Variants in PDGFRB observed in about 807,000 individuals in gnomAD.
The protein encoded by PDGFRB is platelet-derived growth factor receptor beta.
PDGFRB carries 42 observed loss-of-function variants against 120.2 expected under a neutral mutation model. That is an observed-to-expected ratio of 0.35 (90% CI 0.27 to 0.45). The LOEUF is 0.45. Ranked by LOEUF, PDGFRB falls within the 20% of genes least tolerant of loss-of-function variation. The probability of loss-of-function intolerance (pLI) is 1.00; values close to 1 mark genes in which losing one functional copy is unlikely to be tolerated. For synonymous variants in PDGFRB, 586 were observed against 606.8 expected (o/e 0.97, Z 0.50); for missense variants, 1,149 against 1,476.3 (o/e 0.78, Z 3.63).
At position 150,124,970 on chromosome 5, in the gene PDGFRB, G is replaced by T. The variant is rs781677618; in HGVS notation, c.1808-139C>A. On this transcript the variant is annotated intron_variant, in intron 12 of 22. Coordinates refer to ENST00000261799, the MANE Select transcript of PDGFRB (RefSeq NM_002609.4). The stretch of plus-strand genomic sequence containing the variant: ...GTGAGGGGAAAGAGCCACTCTCTTA[G>T]GTCAACCTAGACATTACTTAAACCA... 1.3e-3 allele frequency: 746 copies of T among 573,274 alleles called. 4 individuals are homozygous for T. Among genetic ancestry groups the T allele is most frequent in the Middle Eastern group, 4.6e-3 (10 of 2,154 alleles). The allele number at this position is 573,274 out of a possible 1,614,324, so 35.5% of individuals were successfully genotyped here.
chr5:150,124,893 G>GCCCCCCCCCCCCCCCCCCCCCAC, intron 12 of PDGFRB, 62 bp from the exon 13 acceptor site: 2 of 752,558 alleles, frequency 2.7e-6, no homozygotes, highest in South Asian at 1.7e-5. Context: ...TCCCCCAGCT[G>GCCCCCCCCCCCCCCCCCCCCCAC]CCCCCCTCCC....
intron 14 of PDGFRB, 39 bp from the exon 15 acceptor site, chr5:150,123,240 C>T (rs773562180): frequency 6.4e-7 from 1 of 1,550,626 alleles, no homozygotes; most frequent in East Asian, 2.2e-5. Context: ...CCTATGGAGG[C>T]CTCAGGCGTC....
intron 1 of PDGFRB, among the ~76,000 whole-genome samples, chr5:150,150,350 A>G (rs6885033): frequency 0.054 from 8,192 of 152,010 alleles, 259 homozygotes; most frequent in Admixed American, 0.073. Context: ...GGATCAGGTG[A>G]CCCCCAAAAG....
intron 1 of PDGFRB, among the ~76,000 whole-genome samples, chr5:150,145,834 G>A (rs112390275): frequency 1.3e-5 from 2 of 152,106 alleles, no homozygotes; most frequent in African/African-American, 2.4e-5. Context: ...CCGAGATCGC[G>A]CCACTGCACT....
At chr5:150,150,545 C>T (rs947977922) in intron 1 of PDGFRB, among the ~76,000 whole-genome samples, 3 of 124,496 alleles carry the variant, frequency 2.4e-5, no homozygotes, top group African/African-American at 8.8e-5. Context: ...TAAAGCAGTA[C>T]ACTTTGATTT....
rs780310940 is a variant in PDGFRB at position 150,130,698 on chromosome 5, G to C, written c.1244-36C>G. On this transcript the variant is annotated intron_variant, in intron 8 of 22. Transcript: ENST00000261799. ...AGAGCACTGAGTTAGGAGGCGGGAG[G>C]GTCAGGACAGTTAACAGGACAGGTC... The C allele has an allele frequency of 2.5e-6, 4 of 1,606,834 alleles. No homozygotes were observed. The Admixed American group carries it at 6.8e-5, about 27-fold the overall frequency.
intron 1 of PDGFRB, among the ~76,000 whole-genome samples, chr5:150,146,295 T>TC (rs940918180): frequency 2.0e-5 from 3 of 152,114 alleles, no homozygotes; most frequent in Admixed American, 6.6e-5. Flanking sequence ...ATTGTTCTGA[T>TC]CCCCCCCAAT....
chr5:150,132,126 G>A lies in PDGFRB; in HGVS notation c.1128-32C>T, dbSNP rs377563576. On this transcript the variant is annotated intron_variant, in intron 7 of 22. Coordinates refer to ENST00000261799, the MANE Select transcript of PDGFRB (RefSeq NM_002609.4). This position sits in a 1 kb window ranked among gnomAD's most constrained non-coding sequence, Gnocchi z 5.0. Reference sequence around the variant, plus strand: ...AGCAGGAAAGGCAGCTGTCAGAGTCGGAAGGACTCTTACAGTTCTCCCCAC... The same window carrying A: ...AGCAGGAAAGGCAGCTGTCAGAGTCAGAAGGACTCTTACAGTTCTCCCCAC... 117 of 1,165,744 alleles carry A rather than the reference G, an allele frequency of 1.0e-4. No individual in the cohort carries two copies. Among genetic ancestry groups the A allele is most frequent in the East Asian group, 3.5e-4 (15 of 42,684 alleles). The allele number at this position is 1,165,744 out of a possible 1,614,324, so 72.2% of individuals were successfully genotyped here.
At chr5:150,136,945 G>A (rs1760649424) in intron 2 of PDGFRB, 63 bp downstream of exon 2, 1 of 1,281,804 alleles carries the variant, frequency 7.8e-7, no homozygotes, top group South Asian at 1.2e-5. Context: ...CATCACCCCT[G>A]CCAGCTCCAG....
rs1442732462 is a variant in PDGFRB, at chr5:150,129,701, G to A, written c.1579+56C>T. On this transcript the variant is annotated intron_variant, in intron 10 of 22. Coordinates refer to ENST00000261799, the MANE Select transcript of PDGFRB (RefSeq NM_002609.4). The stretch of plus-strand genomic sequence containing the variant: ...GGGTACATGGGCACATTACCAATTA[G>A]GCAGGATTAAGGTAGGGATTGGGAT... 3.5e-6 allele frequency: 5 copies of A among 1,436,768 alleles called. No homozygotes were observed. In the East Asian group the frequency reaches 9.2e-5, roughly 26 times the overall value. The allele number at this position is 1,436,768 out of a possible 1,614,324, so 89.0% of individuals were successfully genotyped here.
At position 150,125,565 on chromosome 5, in the gene PDGFRB, C is replaced by T. The variant is rs1483057981; in HGVS notation, c.1687G>A (p.Glu563Lys). 12 of 1,613,806 alleles carry T rather than the reference C, an allele frequency of 7.4e-6. No homozygotes were observed. Among genetic ancestry groups the T allele is most frequent in the East Asian group, 2.2e-5 (1 of 44,896 alleles). Residue 563 changes from glutamate to lysine, a missense_variant, in exon 12 of 23, where the codon GAG becomes AAG. Around this residue, in one of 3 missense-constraint regions of PDGFRB, gnomAD observed 879 missense variants for 1,108.6 expected, o/e 0.79. Coordinates refer to ENST00000261799, the MANE Select transcript of PDGFRB (RefSeq NM_002609.4). ...GACTCAATCACCTTCCATCGGATCT[C>T]GTAACGTGGCTTCTGGAGGACCAAC... ...IMLWQKKPRY[E>K]IRWKVIESVS...
At chr5:150,150,433 G>C (rs1455903014) in intron 1 of PDGFRB, among the ~76,000 whole-genome samples, 1 of 152,196 alleles carries the variant, frequency 6.6e-6, no homozygotes, top group African/African-American at 2.4e-5. Flanking sequence ...CTCCATCACA[G>C]GGCGGAGAAG....
intron 1 of PDGFRB, among the ~76,000 whole-genome samples, chr5:150,145,698 G>C (rs1463448653): frequency 6.6e-6 from 1 of 152,078 alleles, no homozygotes; most frequent in Non-Finnish European, 1.5e-5. Flanking sequence ...CCGCAAAAAG[G>C]ACAGCCCAGT....
At chr5:150,144,096 C>T (rs1480694387) in intron 1 of PDGFRB, among the ~76,000 whole-genome samples, 1 of 152,008 alleles carries the variant, frequency 6.6e-6, no homozygotes, top group Non-Finnish European at 1.5e-5. Context: ...GGAAGAATAG[C>T]GCTGGTTCCC....
intron 6 of PDGFRB, among the ~76,000 whole-genome samples, chr5:150,133,240 G>A (rs1354707364): frequency 6.6e-6 from 1 of 152,206 alleles, no homozygotes; most frequent in African/African-American, 2.4e-5. Context: ...TTTGGGGATG[G>A]GGCTTCCCGG....
chr5:150,136,864 T>C (rs886333587), intron 2 of PDGFRB, 144 bp downstream of exon 2: 132 of 672,202 alleles, frequency 2.0e-4, no homozygotes, highest in Non-Finnish European at 1.9e-4. Flanking sequence ...CAGAGCCCAC[T>C]GGAAATCCTG....
intron 1 of PDGFRB, among the ~76,000 whole-genome samples, chr5:150,141,432 G>T (rs1760781847): frequency 1.3e-5 from 2 of 152,216 alleles, no homozygotes; most frequent in Non-Finnish European, 2.9e-5. Context: ...TAGATACAGT[G>T]ATCATTTCCA....
Position 150,132,094 on chromosome 5 carries a change from C to T in PDGFRB, c.1128G>A (p.Arg376=), listed in dbSNP as rs1293300387. 3 of 1,548,952 alleles carry T rather than the reference C, an allele frequency of 1.9e-6. No individual in the cohort carries two copies. Among genetic ancestry groups the T allele is most frequent in the Non-Finnish European group, 2.7e-6 (3 of 1,120,864 alleles). The part of the protein sequence containing the change: ...ALSTRNVSET[R]YVSELTLVRV... ...GAACCAGTGTCAGCTCTGACACATA[C>T]CTGGGGAGCAGGAAAGGCAGCTGTC... Residue 376 remains arginine, a splice_region_variant and synonymous_variant, in exon 8 of 23, where the codon CGG becomes CGA. Coordinates refer to ENST00000261799, the MANE Select transcript of PDGFRB (RefSeq NM_002609.4). The surrounding 1 kb of genome is among the most constrained non-coding windows in gnomAD (Gnocchi z 5.0).
intron 19 of PDGFRB, 135 bp from the exon 20 acceptor site, chr5:150,119,701 G>A (rs536526899): frequency 4.6e-6 from 3 of 647,652 alleles, no homozygotes; most frequent in Non-Finnish European, 8.4e-6. Flanking sequence ...ATTTGGAACT[G>A]TGGGCTCCTT....
Sources: allele counts gnomAD v4.1 joint callset (sites outside exome capture counted in the v4.1 genomes callset), GRCh38; gene constraint gnomAD v4.1.1; regional missense constraint gnomAD v4.1.1; non-coding constraint Gnocchi (gnomAD v3.1); transcripts MANE v1.5; gene names NCBI Gene and HGNC (gene_info 2026-07-23, HGNC 2026-07-21).